The following LARGE1 variants were observed in gnomAD, a reference collection of about 807,000 sequenced individuals.
LARGE1 encodes xylosyl- and glucuronyltransferase LARGE1.
A neutral mutation model predicts 87.6 loss-of-function variants in LARGE1; 43 were observed. That is an observed-to-expected ratio of 0.49 (90% CI 0.38 to 0.63). LARGE1 has a LOEUF of 0.63. Among genes scored for constraint, LARGE1 ranks in the 30% least tolerant of loss-of-function variants. The pLI, the probability that LARGE1 is intolerant of heterozygous loss-of-function variation, is 0.00. For synonymous variants in LARGE1, 434 were observed against 394.6 expected (o/e 1.10, Z -1.18); for missense variants, 802 against 1,000.2 (o/e 0.80, Z 2.67).
At chr22:33,787,002 C>T (rs5749660) in intron 1 of LARGE1, among the ~76,000 whole-genome samples, 39,670 of 138,636 alleles carry the variant, frequency 0.29, 5,635 homozygotes, top group East Asian at 0.4. Context: ...GCCTGGGTGA[C>T]AGAGTGAGAC....
At chr22:33,377,675 C>T (rs2065030572) in intron 9 of LARGE1, among the ~76,000 whole-genome samples, 1 of 152,150 alleles carries the variant, frequency 6.6e-6, no homozygotes, top group South Asian at 2.1e-4. Context: ...TGCCTCACTT[C>T]CAATTTTCTC....
chr22:33,851,601 G>A (rs2063585092), intron 1 of LARGE1, among the ~76,000 whole-genome samples: 1 of 152,228 alleles, frequency 6.6e-6, no homozygotes, highest in Non-Finnish European at 1.5e-5. Context: ...GAACATACCT[G>A]TGGTCAAACA....
At chr22:33,730,999 ATT>A (rs376692050) in intron 2 of LARGE1, among the ~76,000 whole-genome samples, 5,945 of 115,754 alleles carry the variant, frequency 0.051, 195 homozygotes, top group East Asian at 0.22. Flanking sequence ...CCAGCCTGCA[ATT>A]TTTTTTTTTT....
chr22:33,753,600 C>T (rs1263696378), intron 2 of LARGE1, among the ~76,000 whole-genome samples: 2 of 152,120 alleles, frequency 1.3e-5, no homozygotes, highest in Admixed American at 6.5e-5. Context: ...GAAACTCATA[C>T]AAGTTGCATG....
At chr22:33,921,177 C>CAGGCTCCGCCCCCCGGCG (rs2065940747), upstream of LARGE1, among the ~76,000 whole-genome samples, 1 of 151,940 alleles carries the variant, frequency 6.6e-6, no homozygotes, top group Non-Finnish European at 1.5e-5. This position sits in a 1 kb window ranked among gnomAD's most constrained non-coding sequence, Gnocchi z 4.1. Context: ...CGCCCCCGCA[C>CAGGCTCCGCCCCCCGGCG]AGGCTCCGCC....
At chr22:33,112,442 G>A in the LARGE1 span, among the ~76,000 whole-genome samples, 7 of 152,192 alleles carry the variant, frequency 4.6e-5, no homozygotes, top group Non-Finnish European at 8.8e-5. Context: ...CTGCCACATC[G>A]TATGCGCTGG....
chr22:33,532,881 A>T (rs1447664445), intron 6 of LARGE1, among the ~76,000 whole-genome samples: 1 of 152,198 alleles, frequency 6.6e-6, no homozygotes, highest in Non-Finnish European at 1.5e-5. Context: ...CGTTTACTTG[A>T]AATGGCCACT....
intron 6 of LARGE1, among the ~76,000 whole-genome samples, chr22:33,517,220 C>T (rs1028942323): frequency 3.9e-5 from 6 of 152,076 alleles, no homozygotes; most frequent in Admixed American, 2.6e-4. Context: ...AGAGAAGCTA[C>T]GATAGGATGA....
chr22:33,068,197 G>T, the LARGE1 span, among the ~76,000 whole-genome samples: 1 of 152,092 alleles, frequency 6.6e-6, no homozygotes, highest in African/African-American at 2.4e-5. Context: ...TGATTTTTGT[G>T]ATTGGGTCAC....
At chr22:33,180,610 A>T (rs1211512880) in intron 11 of LARGE1, among the ~76,000 whole-genome samples, 2 of 152,268 alleles carry the variant, frequency 1.3e-5, no homozygotes, top group African/African-American at 4.8e-5. Flanking sequence ...GTTCACACAA[A>T]AATGTGTCAC....
At chr22:33,791,255 C>T (rs1037918713) in intron 1 of LARGE1, among the ~76,000 whole-genome samples, 4 of 152,024 alleles carry the variant, frequency 2.6e-5, no homozygotes, top group Non-Finnish European at 5.9e-5. Flanking sequence ...AGCATGTCTG[C>T]GTAGTATCCT....
Position 33,676,297 on chromosome 22 carries a change from A to G in LARGE1, c.107-25629T>C, listed in dbSNP as rs539415425. Among the ~76,000 whole-genome samples the G allele has an allele frequency of 1.3e-4, 19 of 145,112 alleles. 1 individual carries two copies. Among genetic ancestry groups the G allele is most frequent in the South Asian group, 1.1e-3 (5 of 4,488 alleles). The stretch of plus-strand genomic sequence containing the variant: ...AATCCTCTGAGAGCTGTCACCAACC[A>G]CATCAAATTATTTGCACATCAGAGA... On this transcript the variant is annotated intron_variant, in intron 2 of 14. Transcript: ENST00000397394.
rs1291641588 is a variant in LARGE1 at position 33,920,391 on chromosome 22, C to G, written c.-479G>C. Reference sequence around the variant, plus strand: ...TCGTCCCTTCAGGGCAGGGCCTGCCCGCGAACAGCCCGGCGAGACGAGCGC... The same window carrying G: ...TCGTCCCTTCAGGGCAGGGCCTGCCGGCGAACAGCCCGGCGAGACGAGCGC... On this transcript the variant is annotated 5_prime_UTR_variant, in exon 1 of 15. Coordinates refer to ENST00000397394, the MANE Select transcript of LARGE1 (RefSeq NM_133642.5). 3 of 150,808 alleles carry G rather than the reference C, an allele frequency of 2.0e-5. No individual in the cohort carries two copies. Among genetic ancestry groups the G allele is most frequent in the Non-Finnish European group, 4.4e-5 (3 of 67,646 alleles). The allele number at this position is 150,808 out of a possible 1,614,324, so 9.3% of individuals were successfully genotyped here.
At chr22:33,105,326 A>T in the LARGE1 span, 1 of 152,036 alleles carries the variant, frequency 6.6e-6, no homozygotes, top group Non-Finnish European at 1.5e-5. Flanking sequence ...ACTATCCCAC[A>T]TTTAGTAAAG....
intron 1 of LARGE1, among the ~76,000 whole-genome samples, chr22:33,767,612 T>G (rs1226437976): frequency 1.3e-5 from 2 of 152,052 alleles, no homozygotes; most frequent in Non-Finnish European, 2.9e-5. Context: ...TCCAAGCGTG[T>G]GCGCCAGCTA....
the LARGE1 span, chr22:33,108,398 G>A: frequency 6.6e-6 from 1 of 152,022 alleles, no homozygotes; most frequent in Admixed American, 6.6e-5. Context: ...GTGACCCCAG[G>A]GCATAGAAGA....
chr22:33,184,101 T>TATATATATATATATATATATATATATATA (rs1389759531), intron 11 of LARGE1, among the ~76,000 whole-genome samples: 1 of 146,500 alleles, frequency 6.8e-6, no homozygotes, highest in Non-Finnish European at 1.5e-5. Flanking sequence ...TATATATATA[T>TATATATATATATATATATATATATATATA]ATCATATCTT....
chr22:33,759,235 C>G (rs960812590), intron 2 of LARGE1, among the ~76,000 whole-genome samples: 1 of 152,202 alleles, frequency 6.6e-6, no homozygotes, highest in African/African-American at 2.4e-5. Context: ...CACCAAAAAT[C>G]AATTTGGGTT....
chr22:33,143,508 G>A, the LARGE1 span, among the ~76,000 whole-genome samples: 5,934 of 152,174 alleles, frequency 0.039, 389 homozygotes, highest in African/African-American at 0.14. Flanking sequence ...TTCCATGAGC[G>A]TTGCAGGTAA....
Sources: allele counts gnomAD v4.1 joint callset (sites outside exome capture counted in the v4.1 genomes callset), GRCh38; gene constraint gnomAD v4.1.1; non-coding constraint Gnocchi (gnomAD v3.1); transcripts MANE v1.5; gene names NCBI Gene and HGNC (gene_info 2026-07-23, HGNC 2026-07-21).